Variants in HTR2C observed in about 807,000 individuals in gnomAD.
The protein encoded by HTR2C is 5-hydroxytryptamine receptor 2C, also known as 5-hydroxytryptamine (serotonin) receptor 2C, G protein-coupled.
Under a neutral mutation model 21.0 loss-of-function variants are expected in HTR2C, and 5 were observed. The ratio of observed to expected loss-of-function variants is 0.24; its 90% CI spans 0.12 to 0.50. The LOEUF (loss-of-function observed/expected upper bound fraction) is 0.50, where lower values mean the gene tolerates loss of function less well. HTR2C is among the 20% of genes least tolerant of loss of function. The pLI, the probability that HTR2C is intolerant of heterozygous loss-of-function variation, is 0.98. For synonymous variants in HTR2C, 150 were observed against 145.3 expected, an observed-to-expected ratio of 1.03 and a Z score of -0.23; for missense variants, 271 against 371.2, an observed-to-expected ratio of 0.73 and a Z score of 2.22.
intron 3 of HTR2C, among the ~76,000 whole-genome samples, chrX:114,730,074 T>C (rs782006813): frequency 1.5e-4 from 17 of 111,999 alleles, no homozygotes; most frequent in Non-Finnish European, 3.2e-4. Context: ...TAATATTTCT[T>C]AGTTTTAAGC....
chrX:114,872,567 A>T (rs1556476879), intron 5 of HTR2C, among the ~76,000 whole-genome samples: 1 of 110,313 alleles, frequency 9.1e-6, no homozygotes, highest in African/African-American at 3.3e-5. Context: ...CTCATTAATT[A>T]TTTTGAATTG....
intron 2 of HTR2C, among the ~76,000 whole-genome samples, chrX:114,639,823 C>A (rs1392232446): frequency 1.8e-5 from 2 of 111,276 alleles, no homozygotes; most frequent in African/African-American, 6.5e-5. Flanking sequence ...TTGTATTTAA[C>A]CTTGTGTAAT....
intron 2 of HTR2C, among the ~76,000 whole-genome samples, chrX:114,640,344 T>G (rs1930048281): frequency 2.8e-5 from 1 of 35,907 alleles, no homozygotes; most frequent in Non-Finnish European, 5.2e-5. Context: ...TAAGAGTGAT[T>G]AATGATTAGA....
At chrX:114,842,632 C>T (rs2070843419) in intron 4 of HTR2C, among the ~76,000 whole-genome samples, 1 of 111,766 alleles carries the variant, frequency 8.9e-6, no homozygotes, top group African/African-American at 3.3e-5. Context: ...CAGAAGAAGC[C>T]TGGAAAGACA....
intron 4 of HTR2C, among the ~76,000 whole-genome samples, chrX:114,824,887 G>A (rs2070665655): frequency 9.0e-6 from 1 of 111,621 alleles, no homozygotes. Flanking sequence ...CATATACAAG[G>A]ACCCCAAAGT....
chrX:114,589,911 A>G (rs1277430920), intron 1 of HTR2C: 6 of 294,770 alleles, frequency 2.0e-5, no homozygotes, highest in Non-Finnish European at 3.7e-5. Context: ...ATAAGAAGAG[A>G]AAGGTCCAAG....
intron 1 of HTR2C, among the ~76,000 whole-genome samples, chrX:114,586,133 G>C (rs1927383918): frequency 8.9e-6 from 1 of 111,998 alleles, no homozygotes; most frequent in African/African-American, 3.2e-5. Context: ...CTACATATGT[G>C]TAGAGACAAT....
intron 4 of HTR2C, among the ~76,000 whole-genome samples, chrX:114,765,836 A>G (rs185986494): frequency 1.2e-3 from 135 of 111,517 alleles, no homozygotes; most frequent in Non-Finnish European, 2.2e-3. Flanking sequence ...ATTTTATTTC[A>G]GTTCAGTTCA....
intron 4 of HTR2C, among the ~76,000 whole-genome samples, chrX:114,816,516 T>C (rs932258068): frequency 2.7e-5 from 3 of 110,695 alleles, no homozygotes. Flanking sequence ...TTATGAAATA[T>C]ATAAATATGG....
At position 114,746,741 on chromosome X, in the gene HTR2C, G is replaced by A. The variant is rs972867607; in HGVS notation, c.349+15134G>A. Among the ~76,000 whole-genome samples the A allele has an allele frequency of 4.5e-5, 5 of 110,617 alleles. No homozygotes were observed. In the East Asian group the frequency reaches 8.6e-4, roughly 19 times the overall value. ...TGGCTCCCACCTGTAATCCCAGCAC[G>A]TTGGGAGGCTGAGGCAGGTGGATCA... On this transcript the variant is annotated intron_variant, in intron 4 of 5. Coordinates refer to ENST00000276198, the MANE Select transcript of HTR2C (RefSeq NM_000868.4).
chrX:114,788,712 A>C (rs1474374925), intron 4 of HTR2C, among the ~76,000 whole-genome samples: 3 of 111,604 alleles, frequency 2.7e-5, no homozygotes, highest in African/African-American at 9.8e-5. Flanking sequence ...CTATGGCATA[A>C]TCACGGCTCA....
intron 4 of HTR2C, among the ~76,000 whole-genome samples, chrX:114,807,105 C>G (rs782410843): frequency 3.5e-5 from 1 of 28,449 alleles, no homozygotes; most frequent in Admixed American, 6.5e-4. Flanking sequence ...CATATATACA[C>G]CATGTATATA....
At chrX:114,791,288 TACAA>T (rs2070229772) in intron 4 of HTR2C, among the ~76,000 whole-genome samples, 1 of 112,661 alleles carries the variant, frequency 8.9e-6, no homozygotes, top group Non-Finnish European at 1.9e-5. Context: ...AATATTCAGA[TACAA>T]ACATATAAAT....
In HTR2C at chrX:114,793,975, A is replaced by G. The variant is rs7888542; in HGVS notation, c.350-54028A>G. On this transcript the variant is annotated intron_variant, in intron 4 of 5. Transcript: ENST00000276198. ...AAATGGTGAGAATAGCGAGTATCAG[A>G]GAGAGAGAGAGAAGTATGTACAGTG... Among the ~76,000 whole-genome samples the G allele has an allele frequency of 2.6e-3, 283 of 109,552 alleles. 1 individual carries two copies. Among genetic ancestry groups the G allele is most frequent in the African/African-American group, 8.9e-3 (270 of 30,264 alleles).
chrX:114,759,340 G>A (rs1340588549), intron 4 of HTR2C, among the ~76,000 whole-genome samples: 3 of 110,901 alleles, frequency 2.7e-5, no homozygotes, highest in African/African-American at 9.8e-5. Flanking sequence ...GTGCTCAGAG[G>A]AGACATCAGG....
intron 2 of HTR2C, among the ~76,000 whole-genome samples, chrX:114,706,442 G>T (rs1369703104): frequency 1.9e-5 from 1 of 52,705 alleles, no homozygotes; most frequent in Non-Finnish European, 4.0e-5. Flanking sequence ...ATCATTCTCG[G>T]TAAACTATTG....
chrX:114,700,204 A>T (rs1031766851), intron 2 of HTR2C, among the ~76,000 whole-genome samples: 6 of 111,937 alleles, frequency 5.4e-5, no homozygotes, highest in African/African-American at 1.9e-4. Flanking sequence ...ATCATTATGA[A>T]TAGATGTGAA....
chrX:114,735,296 G>A (rs930945737), intron 4 of HTR2C, among the ~76,000 whole-genome samples: 4 of 110,644 alleles, frequency 3.6e-5, no homozygotes, highest in Admixed American at 9.7e-5. Context: ...CAGCTTGGGC[G>A]ACAGAGGGAG....
chrX:114,733,563 T>G (rs2069557914), intron 4 of HTR2C, among the ~76,000 whole-genome samples: 1 of 94,482 alleles, frequency 1.1e-5, no homozygotes, highest in African/African-American at 4.0e-5. Context: ...TCTTTGGAGG[T>G]GGAAAAAGGT....
Sources: allele counts gnomAD v4.1 joint callset (sites outside exome capture counted in the v4.1 genomes callset), GRCh38; gene constraint gnomAD v4.1.1; transcripts MANE v1.5; gene names NCBI Gene and HGNC (gene_info 2026-07-23, HGNC 2026-07-21).